Variants in PXT1 observed in about 807,000 individuals in gnomAD.
PXT1 encodes the protein peroxisomal testis-specific protein 1.
A neutral mutation model predicts 11.0 loss-of-function variants in PXT1; 11 were observed. The ratio of observed to expected loss-of-function variants is 1.00; its 90% confidence interval spans 0.63 to 1.66. The LOEUF is 1.66. Among genes scored for constraint, PXT1 ranks in the 40% most tolerant of loss-of-function variants. The probability of loss-of-function intolerance (pLI) is 0.00; values close to 1 mark genes in which losing one functional copy is unlikely to be tolerated. For missense variants in PXT1, 141 were observed against 155.5 expected (o/e 0.91, Z 0.49); for synonymous variants, 43 against 51.4 (o/e 0.84, Z 0.70).
intron 2 of PXT1, among the ~76,000 whole-genome samples, chr6:36,428,474 G>A (rs1774640550): frequency 6.6e-6 from 1 of 150,570 alleles, no homozygotes; most frequent in Non-Finnish European, 1.5e-5. Flanking sequence ...GTAGCTACCA[G>A]GCGAGTTTCT....
chr6:36,408,095 G>A (rs1774316025), intron 3 of PXT1, among the ~76,000 whole-genome samples: 1 of 151,490 alleles, frequency 6.6e-6, no homozygotes, highest in South Asian at 2.1e-4. Flanking sequence ...CCGAGTAGCT[G>A]GGATTACAGG....
At chr6:36,421,454 C>T (rs1336751445) in intron 3 of PXT1, among the ~76,000 whole-genome samples, 1 of 152,112 alleles carries the variant, frequency 6.6e-6, no homozygotes, top group East Asian at 1.9e-4. Flanking sequence ...GAGTAAGACC[C>T]TGTCTCAAAA....
intron 3 of PXT1, among the ~76,000 whole-genome samples, chr6:36,408,924 G>A (rs1343260051): frequency 6.6e-6 from 1 of 151,946 alleles, no homozygotes; most frequent in Non-Finnish European, 1.5e-5. Context: ...CAATGTGTCG[G>A]AACTTTAAAA....
At chr6:36,403,548 A>G (rs951888976) in intron 3 of PXT1, among the ~76,000 whole-genome samples, 10 of 152,116 alleles carry the variant, frequency 6.6e-5, no homozygotes, top group African/African-American at 2.4e-4. Flanking sequence ...GCCAGTAGAA[A>G]AGGAAAGAAG....
At chr6:36,414,756 C>T (rs1774425493) in intron 3 of PXT1, among the ~76,000 whole-genome samples, 1 of 152,218 alleles carries the variant, frequency 6.6e-6, no homozygotes, top group African/African-American at 2.4e-5. Flanking sequence ...TCTCCACATT[C>T]TGGGCCATCT....
intron 3 of PXT1, among the ~76,000 whole-genome samples, chr6:36,413,749 C>A (rs1774408797): frequency 6.6e-6 from 1 of 152,212 alleles, no homozygotes; most frequent in Non-Finnish European, 1.5e-5. Context: ...GTAATCCCAA[C>A]ACTTTGGGAG....
chr6:36,432,161 C>T (rs939976692), intron 2 of PXT1, among the ~76,000 whole-genome samples: 1 of 152,060 alleles, frequency 6.6e-6, no homozygotes, highest in Non-Finnish European at 1.5e-5. Flanking sequence ...TCTAGATGGT[C>T]AGGAAGGACT....
chr6:36,415,466 T>TTAAA (rs1561929507), intron 3 of PXT1, among the ~76,000 whole-genome samples: 1 of 152,054 alleles, frequency 6.6e-6, no homozygotes, highest in African/African-American at 2.4e-5. Context: ...AATTAATTAA[T>TTAAA]TAAATAAAAC....
rs1389417972 is a variant in PXT1 at position 36,391,686 on chromosome 6, T to C, written c.*84A>G. ...AAAAGAGGGAGACGGAGAAGGGTGT[T>C]CTTCCCATCTGTCCCAGTGGGATTC... On this transcript the variant is annotated 3_prime_UTR_variant, in exon 5 of 5. Coordinates refer to ENST00000454782, the MANE Select transcript of PXT1 (RefSeq NM_152990.4). 1 of 908,596 alleles carries C rather than the reference T, an allele frequency of 1.1e-6. No individual in the cohort carries two copies. Among genetic ancestry groups the C allele is most frequent in the East Asian group, 2.4e-5 (1 of 41,690 alleles). The allele number at this position is 908,596 out of a possible 1,614,324, so 56.3% of individuals were successfully genotyped here.
chr6:36,403,571 C>A (rs1774243562), intron 3 of PXT1, among the ~76,000 whole-genome samples: 1 of 152,064 alleles, frequency 6.6e-6, no homozygotes, highest in Non-Finnish European at 1.5e-5. Context: ...AACTTGAGTT[C>A]ATTTATAAAT....
At chr6:36,425,555 A>AG (rs1270645248) in intron 3 of PXT1, among the ~76,000 whole-genome samples, 1 of 151,840 alleles carries the variant, frequency 6.6e-6, no homozygotes, top group African/African-American at 2.4e-5. Flanking sequence ...GAGGCCTATG[A>AG]GGGGGGATCA....
intron 3 of PXT1, among the ~76,000 whole-genome samples, chr6:36,405,301 A>T (rs766017878): frequency 3.9e-5 from 6 of 152,228 alleles, no homozygotes; most frequent in Non-Finnish European, 8.8e-5. Context: ...TGTTATTACA[A>T]AAGAGTTCAA....
chr6:36,400,414 C>T (rs1329175601), intron 4 of PXT1, 40 bp downstream of exon 4: 2 of 1,608,392 alleles, frequency 1.2e-6, no homozygotes, highest in African/African-American at 1.3e-5. Context: ...GCTCTTTCCT[C>T]CTACCTGACA....
chr6:36,411,944 C>A (rs1382702712), intron 3 of PXT1, among the ~76,000 whole-genome samples: 2 of 151,096 alleles, frequency 1.3e-5, no homozygotes, highest in South Asian at 2.1e-4. Flanking sequence ...TAAGACCTTG[C>A]CAAAAAAACA....
rs368788147 is a variant in PXT1, at chr6:36,434,214, AC to A, written c.-10+4552del. 4.6e-3 allele frequency among the ~76,000 whole-genome samples: 695 copies of A among 152,220 alleles called. 4 individuals carry two copies. Among genetic ancestry groups the A allele is most frequent in the Middle Eastern group, 0.017 (5 of 294 alleles). On this transcript the variant is annotated intron_variant, in intron 2 of 4. Coordinates refer to ENST00000454782, the MANE Select transcript of PXT1 (RefSeq NM_152990.4). ...AAAAGAAACAAAGAAATGCAAAAAAACATCCCAGAACAAAAGGACATATGTC... is the reference window on the plus strand; with the variant it reads ...AAAAGAAACAAAGAAATGCAAAAAAAATCCCAGAACAAAAGGACATATGTC...
intron 3 of PXT1, among the ~76,000 whole-genome samples, chr6:36,402,561 T>C (rs1774228314): frequency 6.6e-6 from 1 of 152,200 alleles, no homozygotes; most frequent in Non-Finnish European, 1.5e-5. Context: ...AGGTGATATC[T>C]GAGTTAAGTC....
In PXT1 at chr6:36,391,722, G is replaced by T; in HGVS notation, c.*48C>A. 2 of 1,231,116 alleles carry T rather than the reference G, an allele frequency of 1.6e-6. No individual in the cohort carries two copies. Among genetic ancestry groups the T allele is most frequent in the South Asian group, 2.4e-5 (2 of 82,856 alleles). The allele number at this position is 1,231,116 out of a possible 1,614,324, so 76.3% of individuals were successfully genotyped here. ...GTCCCAGTGGGATTCATGTTTCTCA[G>T]AGGGTAAAAAGAAAACAGAACTTGA... is the stretch of plus-strand genomic sequence containing the variant. On this transcript the variant is annotated 3_prime_UTR_variant, in exon 5 of 5. Transcript: ENST00000454782.
At chr6:36,434,859 C>CT (rs1457149031) in intron 2 of PXT1, among the ~76,000 whole-genome samples, 1 of 152,174 alleles carries the variant, frequency 6.6e-6, no homozygotes, top group Non-Finnish European at 1.5e-5. Flanking sequence ...CTAAAATTTG[C>CT]TAGCCTTTTA....
At chr6:36,412,170 G>C (rs1774384408) in intron 3 of PXT1, among the ~76,000 whole-genome samples, 1 of 151,646 alleles carries the variant, frequency 6.6e-6, no homozygotes, top group Non-Finnish European at 1.5e-5. Context: ...TGGCCAACAT[G>C]GTGAAACCCC....
Sources: allele counts gnomAD v4.1 joint callset (sites outside exome capture counted in the v4.1 genomes callset), GRCh38; gene constraint gnomAD v4.1.1; transcripts MANE v1.5; gene names NCBI Gene and HGNC (gene_info 2026-07-23, HGNC 2026-07-21).